LRRC25: variants seen among roughly 807,000 people sequenced by gnomAD.
LRRC25 encodes the protein leucine-rich repeat-containing protein 25.
Under a neutral mutation model 18.8 loss-of-function variants are expected in LRRC25, and 5 were observed. That is an observed-to-expected ratio of 0.27 (90% CI 0.14 to 0.56). LRRC25 has a LOEUF of 0.56. LRRC25 is among the 20% of genes least tolerant of loss of function. The pLI, the probability that LRRC25 is intolerant of heterozygous loss-of-function variation, is 0.93. For synonymous variants in LRRC25, 161 were observed against 176.8 expected, an observed-to-expected ratio of 0.91 and a Z score of 0.71; for missense variants, 341 against 389.8, an observed-to-expected ratio of 0.87 and a Z score of 1.05.
At chr19:18,395,601 G>A (rs989557922) in intron 1 of LRRC25, among the ~76,000 whole-genome samples, 33 of 152,060 alleles carry the variant, frequency 2.2e-4, no homozygotes, top group Non-Finnish European at 4.4e-4. Flanking sequence ...ATCCTTGGCC[G>A]CCAGAAACTG....
Position 18,391,140 on chromosome 19 carries a change from G to A in LRRC25, c.*847C>T, listed in dbSNP as rs549858882. On this transcript the variant is annotated 3_prime_UTR_variant, in exon 2 of 2. Coordinates refer to ENST00000339007, the MANE Select transcript of LRRC25 (RefSeq NM_145256.3). ...CTTGAAAGATTTTCTCAGAATATTA[G>A]AGCTAAAGGAATATATACATTTTTT... 1.3e-5 allele frequency: 2 copies of A among 152,222 alleles called. No individual in the cohort carries two copies. The highest frequency in any genetic ancestry group is 1.3e-4 in the Admixed American group (2 of 15,276). The allele number at this position is 152,222 out of a possible 1,614,324, so 9.4% of individuals were successfully genotyped here. A position where few individuals can be genotyped will look rare whatever the true frequency, so the allele number is the denominator to read the frequency against.
Position 18,391,912 on chromosome 19 carries a change from T to C in LRRC25, c.*75A>G. On this transcript the variant is annotated 3_prime_UTR_variant, in exon 2 of 2. Coordinates refer to ENST00000339007, the MANE Select transcript of LRRC25 (RefSeq NM_145256.3). ...TCTTCAGATGGGGAAACTGAGGCCA[T>C]GGAGGCGTTAGGACGCCCTGAGTCA... 1.3e-6 allele frequency: 2 copies of C among 1,519,474 alleles called. No homozygotes were observed. The highest frequency in any genetic ancestry group is 1.8e-6 in the Non-Finnish European group (2 of 1,115,350). 94.1% of individuals were successfully genotyped at this position (1,519,474 alleles called of 1,614,324 possible).
At position 18,391,176 on chromosome 19, in the gene LRRC25, T is replaced by G. The variant is rs3848646; in HGVS notation, c.*811A>C. On this transcript the variant is annotated 3_prime_UTR_variant, in exon 2 of 2. Transcript: ENST00000339007. ...ATATATACATTTTTTTATTTTGGGG[T>G]TGGTGTGGGCTGCTCTGGAGGCCAA... is the stretch of plus-strand genomic sequence containing the variant. The G allele has an allele frequency of 0.72, 109,726 of 152,092 alleles. 40,008 individuals are homozygous for G. Among genetic ancestry groups the G allele is most frequent in the African/African-American group, 0.82 (34,102 of 41,480 alleles). The allele number at this position is 152,092 out of a possible 1,614,324, so 9.4% of individuals were successfully genotyped here. A position where few individuals can be genotyped will look rare whatever the true frequency, so the allele number is the denominator to read the frequency against.
At position 18,391,984 on chromosome 19, in the gene LRRC25, G is replaced by T. The variant is rs1293288164; in HGVS notation, c.*3C>A. ...TCTGGGTGGAGGTTAGGACATCTTAGGCTCAGTGCCCGGGGATCACGTACT... is the reference window on the plus strand; with the variant it reads ...TCTGGGTGGAGGTTAGGACATCTTATGCTCAGTGCCCGGGGATCACGTACT... On this transcript the variant is annotated 3_prime_UTR_variant, in exon 2 of 2. Transcript: ENST00000339007. 2 of 1,613,258 alleles carry T rather than the reference G, an allele frequency of 1.2e-6. No individual in the cohort carries two copies. The highest frequency in any genetic ancestry group is 1.7e-6 in the Non-Finnish European group (2 of 1,179,534).
In LRRC25 at chr19:18,396,743, C is replaced by T. The variant is rs755311220; in HGVS notation, c.221G>A (p.Arg74Gln). The T allele has an allele frequency of 1.5e-5, 25 of 1,613,986 alleles. No homozygotes were observed. The highest frequency in any genetic ancestry group is 2.5e-6 in the Non-Finnish European group (3 of 1,180,030). The change falls in exon 1 of 2, where the codon CGA becomes CAA. Residue 74 changes from arginine to glutamine, a missense_variant. Transcript: ENST00000339007. The part of the protein sequence containing the change: ...ILLDLSGNGL[R>Q]ELPVTFFAHL... ...GGCAAAGAAGGTCACTGGAAGCTCT[C>T]GCAGGCCGTTCCCAGACAGGTCAAG...
At chr19:18,395,911 G>C (rs1971962101) in intron 1 of LRRC25, among the ~76,000 whole-genome samples, 2 of 152,062 alleles carry the variant, frequency 1.3e-5, no homozygotes, top group Non-Finnish European at 2.9e-5. Flanking sequence ...AGTACAGACT[G>C]GGTTTCACCG....
At chr19:18,394,185 G>T (rs1274014490) in intron 1 of LRRC25, among the ~76,000 whole-genome samples, 1 of 151,992 alleles carries the variant, frequency 6.6e-6, no homozygotes, top group African/African-American at 2.4e-5. Flanking sequence ...ACCATTCACA[G>T]CAAATTCTCT....
chr19:18,395,786 A>G (rs1209842340), intron 1 of LRRC25, among the ~76,000 whole-genome samples: 1 of 152,084 alleles, frequency 6.6e-6, no homozygotes, highest in Admixed American at 6.6e-5. Context: ...AATGGCATGA[A>G]CTTGGCTCAC....
rs1213509149 is a variant in LRRC25, at chr19:18,391,369, T to A, written c.*618A>T. On this transcript the variant is annotated 3_prime_UTR_variant, in exon 2 of 2. Transcript: ENST00000339007. ...GCCTGGCCAACATGGCGAAACCCCA[T>A]CTCTATTATAAATACAAAAATTAGC... 6.6e-6 allele frequency: 1 copy of A among 152,310 alleles called. No homozygotes were observed. The highest frequency in any genetic ancestry group is 1.9e-4 in the East Asian group (1 of 5,194). 9.4% of individuals were successfully genotyped at this position (152,310 alleles called of 1,614,324 possible). A position where few individuals can be genotyped will look rare whatever the true frequency, so the allele number is the denominator to read the frequency against.
At chr19:18,395,583 G>A (rs1181553921) in intron 1 of LRRC25, among the ~76,000 whole-genome samples, 3 of 152,086 alleles carry the variant, frequency 2.0e-5, no homozygotes, top group African/African-American at 4.8e-5. Context: ...GTTGCCTCCT[G>A]TCTCCCCATC....
At chr19:18,396,164 G>A (rs371322985) in intron 1 of LRRC25, 21 bp downstream of exon 1, 8 of 1,566,572 alleles carry the variant, frequency 5.1e-6, no homozygotes, top group South Asian at 2.3e-5. Context: ...ACTTTGGCAG[G>A]TGTCTCAGTG....
intron 1 of LRRC25, among the ~76,000 whole-genome samples, chr19:18,394,077 G>A (rs951699386): frequency 2.6e-5 from 4 of 151,808 alleles, no homozygotes; most frequent in Non-Finnish European, 5.9e-5. Flanking sequence ...TCCTGGCACG[G>A]ACTCTGCTGC....
rs568562456 is a variant in LRRC25, at chr19:18,397,268, A to T, written c.-305T>A. 2.6e-6 allele frequency: 1 copy of T among 386,156 alleles called. No individual in the cohort carries two copies. Among genetic ancestry groups the T allele is most frequent in the South Asian group, 4.5e-5 (1 of 22,254 alleles). The allele number at this position is 386,156 out of a possible 1,614,324, so 23.9% of individuals were successfully genotyped here. On this transcript the variant is annotated 5_prime_UTR_variant, in exon 1 of 2. Coordinates refer to ENST00000339007, the MANE Select transcript of LRRC25 (RefSeq NM_145256.3). ...GGGCGCCCTCGTTGGCCAGGACGGG[A>T]CCCTATGCAAATAAGCGGTTGCCTT...
At chr19:18,394,232 C>G (rs1971937967) in intron 1 of LRRC25, among the ~76,000 whole-genome samples, 1 of 152,108 alleles carries the variant, frequency 6.6e-6, no homozygotes, top group Non-Finnish European at 1.5e-5. Context: ...CCCTGAGGGT[C>G]CCACCCCTTG....
chr19:18,393,251 T>C (rs1306524946), intron 1 of LRRC25, among the ~76,000 whole-genome samples: 1 of 152,328 alleles, frequency 6.6e-6, no homozygotes, highest in East Asian at 1.9e-4. Context: ...CTTAGGAATA[T>C]TTGTTATGGT....
At position 18,396,744 on chromosome 19, in the gene LRRC25, G is replaced by A; in HGVS notation, c.220C>T (p.Arg74Ter). 1 of 1,614,142 alleles carries A rather than the reference G, an allele frequency of 6.2e-7. No individual in the cohort carries two copies. ...ILLDLSGNGL[R>*]ELPVTFFAHL... ...GCAAAGAAGGTCACTGGAAGCTCTC[G>A]CAGGCCGTTCCCAGACAGGTCAAGG... The change falls in exon 1 of 2, where the codon CGA (arginine) becomes TGA (stop). Residue 74 changes from arginine to a stop codon, truncating the protein, a stop_gained. Coordinates refer to ENST00000339007, the MANE Select transcript of LRRC25 (RefSeq NM_145256.3). LOFTEE classifies it high-confidence loss of function.
At position 18,396,305 on chromosome 19, in the gene LRRC25, C is replaced by A. The variant is rs144972446; in HGVS notation, c.659G>T (p.Arg220Leu). The change falls in exon 1 of 2, where the codon CGG becomes CTG. Residue 220 changes from arginine (R) to leucine (L), a missense_variant. Arg to Leu is a moderately radical substitution (Grantham distance 102). Coordinates refer to ENST00000339007, the MANE Select transcript of LRRC25 (RefSeq NM_145256.3). The stretch of plus-strand genomic sequence containing the variant: ...CTTGGGGGCGCTCCGGCTGCCGTAC[C>A]GTGGCTGCAAGCCTAAACCGGGCTT... The part of the protein sequence containing the change: ...GPKPGLGLQP[R>L]YGSRSAPKPQ... 10 of 1,613,788 alleles carry A rather than the reference C, an allele frequency of 6.2e-6. No individual in the cohort carries two copies. In the South Asian group the frequency reaches 6.6e-5, roughly 11 times the overall value.
chr19:18,391,912 T>A lies in LRRC25; in HGVS notation c.*75A>T. On this transcript the variant is annotated 3_prime_UTR_variant, in exon 2 of 2. Coordinates refer to ENST00000339007, the MANE Select transcript of LRRC25 (RefSeq NM_145256.3). ...TCTTCAGATGGGGAAACTGAGGCCATGGAGGCGTTAGGACGCCCTGAGTCA... is the reference window on the plus strand; with the variant it reads ...TCTTCAGATGGGGAAACTGAGGCCAAGGAGGCGTTAGGACGCCCTGAGTCA... 2 of 1,519,474 alleles carry A rather than the reference T, an allele frequency of 1.3e-6. No homozygotes were observed. Among genetic ancestry groups the A allele is most frequent in the South Asian group, 1.2e-5 (1 of 84,910 alleles). The allele number at this position is 1,519,474 out of a possible 1,614,324, so 94.1% of individuals were successfully genotyped here.
At chr19:18,395,370 CA>C (rs11334806) in intron 1 of LRRC25, among the ~76,000 whole-genome samples, 45,881 of 105,656 alleles carry the variant, frequency 0.43, 7,946 homozygotes, top group African/African-American at 0.55. Context: ...GACTCCATCT[CA>C]AAAAAAAAAA....
Sources: allele counts gnomAD v4.1 joint callset (sites outside exome capture counted in the v4.1 genomes callset), GRCh38; gene constraint gnomAD v4.1.1; transcripts MANE v1.5; gene names NCBI Gene and HGNC (gene_info 2026-07-23, HGNC 2026-07-21).